ERCC8: variants seen among roughly 807,000 people sequenced by gnomAD.
ERCC8 encodes ERCC excision repair 8, CSA ubiquitin ligase complex subunit.
Under a neutral mutation model 54.9 loss-of-function variants are expected in ERCC8, and 52 were observed. The ratio of observed to expected loss-of-function variants is 0.95; its 90% CI spans 0.76 to 1.19. The LOEUF is 1.19. ERCC8 is among the 50% of genes most tolerant of loss of function. The pLI is 0.00. For missense variants in ERCC8, 514 were observed against 466.1 expected, an observed-to-expected ratio of 1.10 and a Z score of -0.95; for synonymous variants, 146 against 157.2, an observed-to-expected ratio of 0.93 and a Z score of 0.53.
In ERCC8 at chr5:60,890,933, G is replaced by C. The variant is rs748218049; in HGVS notation, c.997C>G (p.His333Asp). 12 of 1,613,422 alleles carry C rather than the reference G, an allele frequency of 7.4e-6. No individual in the cohort carries two copies. In the East Asian group the frequency reaches 2.7e-4, roughly 36 times the overall value. ...SGEQITMLKG[H>D]YKTVDCCVFQ... Reference sequence around the variant, plus strand: ...ACACAGCAGTCAACAGTTTTATAATGTCCCTTAAGCATAGTTATCTGTTCT... The same window carrying C: ...ACACAGCAGTCAACAGTTTTATAATCTCCCTTAAGCATAGTTATCTGTTCT... Residue 333 changes from histidine (H) to aspartate (D), a missense_variant, in exon 10 of 12, where the codon CAT becomes GAT. By Grantham distance (81) the His-to-Asp change is moderately conservative (BLOSUM62 -1). Transcript: ENST00000676185.
chr5:60,935,862 C>T (rs1165763898), intron 1 of ERCC8, among the ~76,000 whole-genome samples: 1 of 152,124 alleles, frequency 6.6e-6, no homozygotes, highest in Non-Finnish European at 1.5e-5. Flanking sequence ...ATATGTTAAA[C>T]CATCCCTGCA....
chr5:60,873,080 GA>G lies in ERCC8; in HGVS notation c.*1534del, dbSNP rs1747897718. The stretch of plus-strand genomic sequence containing the variant: ...AGTTAAAAAGGGGGAATTAGTGCAA[GA>G]GACCTATTGCACAACATAGTAACTA... On this transcript the variant is annotated 3_prime_UTR_variant, in exon 12 of 12. Transcript: ENST00000676185. 6.6e-6 allele frequency among the ~76,000 whole-genome samples: 1 copy of G among 152,168 alleles called. No individual in the cohort carries two copies. The highest frequency in any genetic ancestry group is 1.5e-5 in the Non-Finnish European group (1 of 68,028).
rs1314288852 is a variant in ERCC8, at chr5:60,873,939, T to C, written c.*676A>G. On this transcript the variant is annotated 3_prime_UTR_variant, in exon 12 of 12. Coordinates refer to ENST00000676185, the MANE Select transcript of ERCC8 (RefSeq NM_000082.4). Reference sequence around the variant, plus strand: ...GAGGCAGGATTTGGTCATACCTTAATGAGTTTCACAGAAAAAGAGTTCAAG... The same window carrying C: ...GAGGCAGGATTTGGTCATACCTTAACGAGTTTCACAGAAAAAGAGTTCAAG... 2.6e-5 allele frequency: 4 copies of C among 152,180 alleles called. No homozygotes were observed. Among genetic ancestry groups the C allele is most frequent in the African/African-American group, 7.2e-5 (3 of 41,462 alleles). The allele number at this position is 152,180 out of a possible 1,614,324, so 9.4% of individuals were successfully genotyped here. A position where few individuals can be genotyped will look rare whatever the true frequency, so the allele number is the denominator to read the frequency against.
chr5:60,914,054 G>A (rs565802356), intron 4 of ERCC8, among the ~76,000 whole-genome samples: 40 of 152,244 alleles, frequency 2.6e-4, no homozygotes, highest in African/African-American at 9.4e-4. Flanking sequence ...GTGCTGGGAA[G>A]AATGTATATT....
chr5:60,933,858 C>G (rs1047214033), intron 1 of ERCC8, among the ~76,000 whole-genome samples: 14 of 152,144 alleles, frequency 9.2e-5, no homozygotes, highest in African/African-American at 2.9e-4. Context: ...TCTTCACTTA[C>G]AATATGGTCT....
chr5:60,867,381 A>G lies in ERCC8; in HGVS notation c.*7234T>C, dbSNP rs1747775555. 6.6e-6 allele frequency among the ~76,000 whole-genome samples: 1 copy of G among 152,100 alleles called. No homozygotes were observed. Among genetic ancestry groups the G allele is most frequent in the Admixed American group, 6.5e-5 (1 of 15,272 alleles). On this transcript the variant is annotated 3_prime_UTR_variant, in exon 12 of 12. Transcript: ENST00000676185. ...GCCATTCTCCTGCCTCTGATGCCCA[A>G]AGTGCTGGGTTTACAGGTGTGAGCC...
intron 1 of ERCC8, among the ~76,000 whole-genome samples, chr5:60,933,528 C>T (rs547179598): frequency 2.6e-4 from 40 of 152,140 alleles, no homozygotes; most frequent in African/African-American, 9.4e-4. Context: ...CCTGTATTTT[C>T]TATCTACTAT....
At chr5:60,914,815 T>C (rs1561508997) in intron 4 of ERCC8, among the ~76,000 whole-genome samples, 1 of 149,538 alleles carries the variant, frequency 6.7e-6, no homozygotes, top group Non-Finnish European at 1.5e-5. Flanking sequence ...AAAAAGGATA[T>C]TGACTTTTAT....
intron 11 of ERCC8, among the ~76,000 whole-genome samples, chr5:60,880,456 G>A (rs1023211110): frequency 9.2e-5 from 14 of 152,230 alleles, no homozygotes; most frequent in African/African-American, 2.9e-4. Context: ...ATCCTGCAGA[G>A]TGTTTTCCAA....
intron 4 of ERCC8, among the ~76,000 whole-genome samples, chr5:60,916,916 T>C (rs1224718788): frequency 1.3e-5 from 2 of 152,026 alleles, no homozygotes; most frequent in Non-Finnish European, 2.9e-5. Context: ...TTTGGGGAAG[T>C]AACAATCTAG....
At chr5:60,897,734 G>A (rs766625482) in intron 9 of ERCC8, among the ~76,000 whole-genome samples, 2 of 152,146 alleles carry the variant, frequency 1.3e-5, no homozygotes. Context: ...GTCATATATA[G>A]TACAGGTTAA....
chr5:60,918,650 C>G, intron 3 of ERCC8: 1 of 437,302 alleles, frequency 2.3e-6, no homozygotes, highest in East Asian at 4.7e-5. Flanking sequence ...TATATACAGC[C>G]TGGAGGCATC....
At chr5:60,919,090 G>A (rs1359222296) in intron 3 of ERCC8, among the ~76,000 whole-genome samples, 7 of 151,964 alleles carry the variant, frequency 4.6e-5, no homozygotes, top group South Asian at 2.1e-4. Flanking sequence ...TTTATGAGAC[G>A]AAGAGGGAAA....
At chr5:60,933,819 T>C (rs1248265886) in intron 1 of ERCC8, among the ~76,000 whole-genome samples, 6 of 152,200 alleles carry the variant, frequency 3.9e-5, no homozygotes, top group Admixed American at 2.6e-4. Flanking sequence ...AGTGAGAACA[T>C]ACAATATTTG....
intron 9 of ERCC8, 145 bp from the exon 10 acceptor site, chr5:60,891,231 G>C: frequency 1.6e-6 from 1 of 623,026 alleles, no homozygotes. Flanking sequence ...CAGAACAAGG[G>C]CCAATGACAT....
At chr5:60,902,710 T>C (rs1748938390) in intron 6 of ERCC8, among the ~76,000 whole-genome samples, 1 of 152,022 alleles carries the variant, frequency 6.6e-6, no homozygotes. Context: ...TGGTATTTTA[T>C]TGTAAAAGAA....
chr5:60,908,003 G>A (rs1749129959), intron 4 of ERCC8, among the ~76,000 whole-genome samples: 1 of 152,084 alleles, frequency 6.6e-6, no homozygotes, highest in South Asian at 2.1e-4. Context: ...ATCTTTTACA[G>A]GCTTCCATTG....
chr5:60,915,712 T>C (rs2112512957), intron 4 of ERCC8, among the ~76,000 whole-genome samples: 2 of 152,118 alleles, frequency 1.3e-5, no homozygotes, highest in Admixed American at 1.3e-4. Flanking sequence ...TACATTTCTC[T>C]GGCCATTCTC....
rs751073213 is a variant in ERCC8 at position 60,887,515 on chromosome 5, A to G, written c.1047T>C (p.Leu349=). 4 of 1,612,956 alleles carry G rather than the reference A, an allele frequency of 2.5e-6. No homozygotes were observed. The highest frequency in any genetic ancestry group is 3.4e-6 in the Non-Finnish European group (4 of 1,179,094). ...CCVFQSNFQE[L]YSGSRDCNIL... ...TGTTGCAGTCTCTGCTACCACTATAAAGTTCCTATAACATAGAAGGCAAAG... is the reference window on the plus strand; with the variant it reads ...TGTTGCAGTCTCTGCTACCACTATAGAGTTCCTATAACATAGAAGGCAAAG... The change falls in exon 11 of 12, where the codon CTT becomes CTC. Residue 349 remains leucine (L), a synonymous_variant. Transcript: ENST00000676185.
Sources: gnomAD v4.1 joint callset for allele counts (sites outside exome capture counted in the v4.1 genomes callset) on GRCh38, gnomAD v4.1.1 for gene constraint, MANE v1.5 for transcripts, NCBI Gene and HGNC (gene_info 2026-07-23, HGNC 2026-07-21) for gene names.